Variants in FMN1 observed in about 807,000 individuals in gnomAD.
FMN1 encodes the protein formin-1.
Under a neutral mutation model 132.4 loss-of-function variants are expected in FMN1, and 110 were observed. That is an observed-to-expected ratio of 0.83 (90% confidence interval 0.71 to 0.97). FMN1 has a LOEUF of 0.97. Ranked by LOEUF, FMN1 falls within the 50% of genes least tolerant of loss-of-function variation. The probability of loss-of-function intolerance (pLI) is 0.00; values close to 1 mark genes in which losing one functional copy is unlikely to be tolerated. For synonymous variants in FMN1, 722 were observed against 651.7 expected (o/e 1.11, Z -1.64); for missense variants, 1,792 against 1,705.3 (o/e 1.05, Z -0.90).
intron 5 of FMN1, among the ~76,000 whole-genome samples, chr15:33,074,232 T>G (rs1337204006): frequency 6.6e-6 from 1 of 152,242 alleles, no homozygotes; most frequent in African/African-American, 2.4e-5. Context: ...ATACTCATTT[T>G]CCACATCTTT....
chr15:33,044,531 G>A (rs1279137108), intron 6 of FMN1, among the ~76,000 whole-genome samples: 1 of 152,154 alleles, frequency 6.6e-6, no homozygotes, highest in East Asian at 1.9e-4. Context: ...CCCACCAAAG[G>A]GTCTCCTCTC....
At chr15:32,898,270 TC>T in intron 15 of FMN1, among the ~76,000 whole-genome samples, 1 of 152,096 alleles carries the variant, frequency 6.6e-6, no homozygotes, top group Middle Eastern at 3.4e-3. Flanking sequence ...AATACCTTTT[TC>T]TTCTCAAAAT....
In FMN1 at chr15:32,989,019, C is replaced by T. The variant is rs374802987; in HGVS notation, c.2223+18995G>A. ...CTCCCAGCAGAAAGTCATAAACTGT[C>T]AAAAATATCTTTTAAAAAACCTTCT... On this transcript the variant is annotated intron_variant, in intron 7 of 20. Coordinates refer to ENST00000616417, the MANE Select transcript of FMN1 (RefSeq NM_001277313.2). Among the ~76,000 whole-genome samples the T allele has an allele frequency of 2.5e-4, 38 of 152,274 alleles. No individual in the cohort carries two copies. The East Asian group carries it at 3.7e-3, about 15-fold the overall frequency.
At chr15:33,010,807 C>T (rs2034673405) in intron 6 of FMN1, among the ~76,000 whole-genome samples, 1 of 151,556 alleles carries the variant, frequency 6.6e-6, no homozygotes, top group Non-Finnish European at 1.5e-5. Flanking sequence ...ACTTACAGTA[C>T]TTCTAAAAAT....
chr15:33,066,683 G>C (rs1191200303), intron 5 of FMN1: 9 of 1,613,736 alleles, frequency 5.6e-6, no homozygotes, highest in Non-Finnish European at 7.6e-6. Context: ...AGCCTCCAGG[G>C]CTGTCTCTGG....
intron 6 of FMN1, among the ~76,000 whole-genome samples, chr15:33,026,687 A>G (rs2730054): frequency 0.39 from 59,852 of 151,724 alleles, 12,110 homozygotes; most frequent in Admixed American, 0.48. Flanking sequence ...AGAGCCTTTT[A>G]TTTAAAGCTG....
chr15:33,036,181 A>G (rs752253460), intron 6 of FMN1, among the ~76,000 whole-genome samples: 2 of 152,198 alleles, frequency 1.3e-5, no homozygotes, highest in African/African-American at 2.4e-5. Context: ...CTAAGACACT[A>G]CATTTCTTTA....
At chr15:32,930,378 G>T (rs1448497809) in intron 9 of FMN1, among the ~76,000 whole-genome samples, 1 of 150,666 alleles carries the variant, frequency 6.6e-6, no homozygotes, top group Non-Finnish European at 1.5e-5. Context: ...GTCCCACTTT[G>T]TCTACATCCT....
chr15:33,166,078 A>G (rs1319319850), intron 3 of FMN1, among the ~76,000 whole-genome samples: 1 of 152,254 alleles, frequency 6.6e-6, no homozygotes, highest in African/African-American at 2.4e-5. Context: ...AAACGTCCAC[A>G]AAAGAAGTTC....
chr15:33,112,404 G>C (rs916398950), intron 4 of FMN1, among the ~76,000 whole-genome samples: 1 of 152,108 alleles, frequency 6.6e-6, no homozygotes. Flanking sequence ...TTCTGTACTA[G>C]TTTTCTTACA....
intron 2 of FMN1, among the ~76,000 whole-genome samples, chr15:33,182,591 C>G (rs1198288916): frequency 6.6e-6 from 1 of 152,180 alleles, no homozygotes; most frequent in African/African-American, 2.4e-5. Context: ...TTTGGACACC[C>G]TCGAAGTATA....
chr15:33,187,759 G>C (rs1965936760), intron 2 of FMN1, among the ~76,000 whole-genome samples: 1 of 152,134 alleles, frequency 6.6e-6, no homozygotes, highest in African/African-American at 2.4e-5. Flanking sequence ...CTGGGGGGTG[G>C]TATAATACTG....
chr15:32,933,532 T>C lies in FMN1; in HGVS notation c.3139-7271A>G, dbSNP rs537760677. Among the ~76,000 whole-genome samples the C allele has an allele frequency of 9.2e-5, 14 of 152,306 alleles. No homozygotes were observed. In the East Asian group the frequency reaches 1.9e-3, roughly 21 times the overall value. On this transcript the variant is annotated intron_variant, in intron 9 of 20. Coordinates refer to ENST00000616417, the MANE Select transcript of FMN1 (RefSeq NM_001277313.2). ...AAGTCCTCTGTTTCCTTATTGTTTA[T>C]CTATCTTGTTACATCATTTATCAAA...
intron 9 of FMN1, among the ~76,000 whole-genome samples, chr15:32,945,050 C>G (rs1320450002): frequency 6.6e-6 from 1 of 151,956 alleles, no homozygotes; most frequent in Non-Finnish European, 1.5e-5. Context: ...CAGTTGGTGA[C>G]AGTTTGTTAA....
chr15:33,118,809 G>A (rs61487624), intron 4 of FMN1, among the ~76,000 whole-genome samples: 7,941 of 151,150 alleles, frequency 0.053, 698 homozygotes, highest in African/African-American at 0.18. Flanking sequence ...TTAAAGAATG[G>A]TATAAAATCT....
chr15:32,997,185 G>A (rs2033821859), intron 7 of FMN1, among the ~76,000 whole-genome samples: 1 of 152,100 alleles, frequency 6.6e-6, no homozygotes, highest in African/African-American at 2.4e-5. Context: ...AAATAAAGCT[G>A]GAAAGAGAAA....
At chr15:32,953,908 T>C (rs935488152) in intron 9 of FMN1, among the ~76,000 whole-genome samples, 2 of 152,206 alleles carry the variant, frequency 1.3e-5, no homozygotes, top group Admixed American at 6.5e-5. Context: ...CTAAATTCAC[T>C]GTTTCAATCT....
At chr15:33,092,724 G>A (rs1259538377) in intron 4 of FMN1, among the ~76,000 whole-genome samples, 2 of 152,108 alleles carry the variant, frequency 1.3e-5, no homozygotes, top group African/African-American at 2.4e-5. Context: ...GAGATTTGAG[G>A]CCTATTTGTT....
At chr15:32,892,697 T>C (rs1414015446) in intron 15 of FMN1, among the ~76,000 whole-genome samples, 4 of 152,190 alleles carry the variant, frequency 2.6e-5, no homozygotes, top group Non-Finnish European at 1.5e-5. Context: ...CTGGACCTTT[T>C]TTTTTGTTGG....
Sources: gnomAD v4.1 joint callset for allele counts (sites outside exome capture counted in the v4.1 genomes callset) on GRCh38, gnomAD v4.1.1 for gene constraint, MANE v1.5 for transcripts, NCBI Gene and HGNC (gene_info 2026-07-23, HGNC 2026-07-21) for gene names.